Variants in PDZD2 observed in about 807,000 individuals in gnomAD.
PDZD2 encodes PDZ domain-containing protein 2.
Under a neutral mutation model 220.7 loss-of-function variants are expected in PDZD2, and 90 were observed. The observed-to-expected ratio is 0.41, with a 90% CI of 0.34 to 0.49. The LOEUF (loss-of-function observed/expected upper bound fraction) is 0.49. Among genes scored for constraint, PDZD2 ranks in the 20% least tolerant of loss-of-function variants. The pLI is 0.28. For missense variants in PDZD2, 3,174 were observed against 3,608.5 expected, an observed-to-expected ratio of 0.88 and a Z score of 3.08; for synonymous variants, 1,375 against 1,450.5, an observed-to-expected ratio of 0.95 and a Z score of 1.18.
intron 14 of PDZD2, among the ~76,000 whole-genome samples, 182 bp downstream of exon 14, chr5:32,061,316 C>T (rs1739674735): frequency 6.6e-6 from 1 of 152,152 alleles, no homozygotes. Context: ...CTTACTAGAA[C>T]ATTTTGACAA....
intron 6 of PDZD2, among the ~76,000 whole-genome samples, chr5:32,014,166 A>G (rs1273766297): frequency 2.0e-5 from 3 of 152,236 alleles, no homozygotes; most frequent in Non-Finnish European, 2.9e-5. Flanking sequence ...TGAGTTACAA[A>G]AAGCCTTTTA....
Position 31,927,445 on chromosome 5 carries a change from C to T in PDZD2, c.477-55710C>T, listed in dbSNP as rs557053163. On this transcript the variant is annotated intron_variant, in intron 2 of 24. Coordinates refer to ENST00000438447, the MANE Select transcript of PDZD2 (RefSeq NM_178140.4). Reference sequence around the variant, plus strand: ...TGTCACCCAGGCTGGAGTGCAGTGGCACTATCTCGCTCACTGCAGCCTTCG... The same window carrying T: ...TGTCACCCAGGCTGGAGTGCAGTGGTACTATCTCGCTCACTGCAGCCTTCG... Among the ~76,000 whole-genome samples, 3 of 152,220 alleles carry T rather than the reference C, an allele frequency of 2.0e-5. No individual in the cohort carries two copies. In the East Asian group the frequency reaches 5.8e-4, roughly 29 times the overall value.
intron 2 of PDZD2, among the ~76,000 whole-genome samples, chr5:31,878,655 G>T (rs868705753): frequency 6.9e-6 from 1 of 144,080 alleles, no homozygotes; most frequent in Non-Finnish European, 1.5e-5. Flanking sequence ...CGCCCCCCGG[G>T]GTTCACGCCA....
At chr5:31,952,770 GA>G (rs1438813825) in intron 2 of PDZD2, among the ~76,000 whole-genome samples, 1 of 152,124 alleles carries the variant, frequency 6.6e-6, no homozygotes, top group Non-Finnish European at 1.5e-5. Context: ...TGAAAAATAA[GA>G]ATAGCAGCCC....
intron 2 of PDZD2, 39 bp downstream of exon 2, chr5:31,799,763 A>C: frequency 7.2e-7 from 1 of 1,383,990 alleles, no homozygotes; most frequent in Non-Finnish European, 1.0e-6. Context: ...GGGGCTGGAC[A>C]CGGGAACCTG....
At chr5:31,664,440 G>T (rs896447908) in intron 1 of PDZD2, among the ~76,000 whole-genome samples, 5 of 144,988 alleles carry the variant, frequency 3.4e-5, no homozygotes, top group Non-Finnish European at 6.1e-5. Context: ...AGACACATGC[G>T]CATGCATGCA....
chr5:31,954,711 G>A (rs1318842045), intron 2 of PDZD2, among the ~76,000 whole-genome samples: 1 of 152,084 alleles, frequency 6.6e-6, no homozygotes, highest in Non-Finnish European at 1.5e-5. Flanking sequence ...GGCGGATCAC[G>A]AGGTCAGGAG....
chr5:31,755,356 G>A (rs1196171355), intron 1 of PDZD2, among the ~76,000 whole-genome samples: 2 of 152,208 alleles, frequency 1.3e-5, no homozygotes, highest in Non-Finnish European at 2.9e-5. Context: ...GGTTTCTTTG[G>A]GCTTGGAAGT....
Position 31,799,046 on chromosome 5 carries a change from G to T in PDZD2, c.-203G>T, listed in dbSNP as rs974039302. The T allele has an allele frequency of 3.5e-6, 2 of 572,404 alleles. No homozygotes were observed. Among genetic ancestry groups the T allele is most frequent in the Middle Eastern group, 4.6e-4 (1 of 2,184 alleles). 35.5% of individuals were successfully genotyped at this position (572,404 alleles called of 1,614,324 possible). A position where few individuals can be genotyped will look rare whatever the true frequency, so the allele number is the denominator to read the frequency against. Reference sequence around the variant, plus strand: ...AGCACTCCAGTGCCATTGTTCCACAGTTGTTCTAATTGGGTCCTAGCTTCC... The same window carrying T: ...AGCACTCCAGTGCCATTGTTCCACATTTGTTCTAATTGGGTCCTAGCTTCC... On this transcript the variant is annotated 5_prime_UTR_variant, in exon 2 of 25. Transcript: ENST00000438447.
chr5:31,820,673 ATCCTTT>A (rs1755784618), intron 2 of PDZD2: 1 of 151,688 alleles, frequency 6.6e-6, no homozygotes, highest in African/African-American at 2.4e-5. Context: ...CTTTTGAACC[ATCCTTT>A]TAGGACAAAT....
At position 32,108,288 on chromosome 5, in the gene PDZD2, CTG is replaced by C; in HGVS notation, c.*155_*156del. 1 of 524,544 alleles carries C rather than the reference CTG, an allele frequency of 1.9e-6. No individual in the cohort carries two copies. Among genetic ancestry groups the C allele is most frequent in the Non-Finnish European group, 3.3e-6 (1 of 302,308 alleles). The allele number at this position is 524,544 out of a possible 1,614,324, so 32.5% of individuals were successfully genotyped here. A position where few individuals can be genotyped will look rare whatever the true frequency, so the allele number is the denominator to read the frequency against. On this transcript the variant is annotated 3_prime_UTR_variant, in exon 25 of 25. Transcript: ENST00000438447. ...TGCTTACACATGAAGCCTGACTTAA[CTG>C]TATGTGCAACAGCAATGAAATTAAC...
intron 1 of PDZD2, among the ~76,000 whole-genome samples, chr5:31,649,164 C>T (rs1745244484): frequency 6.6e-6 from 1 of 151,804 alleles, no homozygotes; most frequent in Admixed American, 6.6e-5. Flanking sequence ...AGACATGAGC[C>T]ACTGTGCCCG....
chr5:31,668,514 T>C (rs1398452308), intron 1 of PDZD2, among the ~76,000 whole-genome samples: 2 of 152,238 alleles, frequency 1.3e-5, no homozygotes, highest in Non-Finnish European at 2.9e-5. Context: ...ATAAATCCTT[T>C]GAAATCTTTT....
chr5:32,038,259 G>C (rs13157873), intron 7 of PDZD2, among the ~76,000 whole-genome samples: 6 of 82,284 alleles, frequency 7.3e-5, no homozygotes, highest in Non-Finnish European at 9.8e-5. Flanking sequence ...GGCCGGGCGC[G>C]GTGGCTCACA....
chr5:31,695,900 G>T (rs956550626), intron 1 of PDZD2, among the ~76,000 whole-genome samples: 2 of 152,138 alleles, frequency 1.3e-5, no homozygotes, highest in Admixed American at 6.5e-5. Context: ...GGGAGACAGA[G>T]GTGCATAACG....
intron 1 of PDZD2, among the ~76,000 whole-genome samples, chr5:31,687,790 G>C (rs910780368): frequency 1.3e-5 from 2 of 152,230 alleles, no homozygotes; most frequent in Non-Finnish European, 2.9e-5. Context: ...GTGGCAGAGA[G>C]AGCGCGCTGA....
chr5:31,923,629 A>G (rs1744486189), intron 2 of PDZD2: 7 of 720,394 alleles, frequency 9.7e-6, no homozygotes, highest in Non-Finnish European at 1.8e-5. Flanking sequence ...TCATTCAGTC[A>G]CTAGTTGGAT....
chr5:31,857,629 C>T (rs539714927), intron 2 of PDZD2, among the ~76,000 whole-genome samples: 2 of 152,268 alleles, frequency 1.3e-5, no homozygotes, highest in South Asian at 2.1e-4. Context: ...TGGATATCCC[C>T]TCCTGAAAGT....
chr5:31,797,937 G>A (rs571221801), intron 1 of PDZD2, among the ~76,000 whole-genome samples: 7 of 152,248 alleles, frequency 4.6e-5, no homozygotes, highest in Admixed American at 2.6e-4. Context: ...AGAGAAGAGC[G>A]TGAAAGGGAT....
Sources: gnomAD v4.1 joint callset for allele counts (sites outside exome capture counted in the v4.1 genomes callset) on GRCh38, gnomAD v4.1.1 for gene constraint, MANE v1.5 for transcripts, NCBI Gene and HGNC (gene_info 2026-07-23, HGNC 2026-07-21) for gene names.